Variants in RFC4 observed in about 807,000 individuals in gnomAD.
RFC4 encodes replication factor C subunit 4.
RFC4 carries 38 observed loss-of-function variants against 47.6 expected under a neutral mutation model. The ratio of observed to expected loss-of-function variants is 0.80; its 90% CI spans 0.62 to 1.05. The LOEUF is 1.05. Among genes scored for constraint, RFC4 ranks in the 50% least tolerant of loss-of-function variants. RFC4 has a pLI of 0.00. For missense variants in RFC4, 489 were observed against 434.0 expected (o/e 1.13, Z -1.13); for synonymous variants, 164 against 150.0 (o/e 1.09, Z -0.68).
rs1722249108 is a variant in RFC4 at position 186,796,604 on chromosome 3, C to CTG, written c.290+930_290+931insCA. On this transcript the variant is annotated intron_variant, in intron 4 of 10. Coordinates refer to ENST00000296273, the MANE Select transcript of RFC4 (RefSeq NM_002916.5). The surrounding 1 kb of genome is among the most constrained non-coding windows in gnomAD (Gnocchi z 4.2). ...AAGTGATTCTCCTGCCTCAGCCTGC[C>CTG]GAGTAGCTGGGACTACAGGTGCATG... 6.6e-6 allele frequency among the ~76,000 whole-genome samples: 1 copy of CTG among 152,068 alleles called. No individual in the cohort carries two copies. Among genetic ancestry groups the CTG allele is most frequent in the South Asian group, 2.1e-4 (1 of 4,828 alleles).
intron 2 of RFC4, among the ~76,000 whole-genome samples, chr3:186,801,780 T>C (rs113297149): frequency 1.2e-3 from 183 of 150,034 alleles, no homozygotes; most frequent in Non-Finnish European, 2.1e-3. Flanking sequence ...TCCCAACACT[T>C]AGGGAGGCTG....
At chr3:186,794,942 A>T in intron 4 of RFC4, 165 bp from the exon 5 acceptor site, 1 of 685,148 alleles carries the variant, frequency 1.5e-6, no homozygotes, top group Non-Finnish European at 2.3e-6. Flanking sequence ...GCTGCAGTTA[A>T]CATTTTGGCT....
chr3:186,804,797 G>A (rs574582507), intron 1 of RFC4, 73 bp from the exon 2 acceptor site: 92 of 1,439,826 alleles, frequency 6.4e-5, no homozygotes, highest in Non-Finnish European at 8.1e-5. Context: ...ATAGGAAAGC[G>A]GGGGTGGTGG....
chr3:186,793,020 A>G lies in RFC4; in HGVS notation c.411-73T>C. 1 of 1,223,676 alleles carries G rather than the reference A, an allele frequency of 8.2e-7. No homozygotes were observed. 75.8% of individuals were successfully genotyped at this position (1,223,676 alleles called of 1,614,324 possible). Reference sequence around the variant, plus strand: ...TTTTAACAGCTTTGTTGAAAGATACACGTACCATACAATTCACCCATTTAA... The same window carrying G: ...TTTTAACAGCTTTGTTGAAAGATACGCGTACCATACAATTCACCCATTTAA... On this transcript the variant is annotated intron_variant, in intron 5 of 10. Coordinates refer to ENST00000296273, the MANE Select transcript of RFC4 (RefSeq NM_002916.5). This position sits in a 1 kb window ranked among gnomAD's most constrained non-coding sequence, Gnocchi z 4.2.
intron 3 of RFC4, among the ~76,000 whole-genome samples, chr3:186,798,023 C>A (rs530650405): frequency 2.2e-4 from 34 of 151,848 alleles, no homozygotes; most frequent in African/African-American, 8.0e-4. Context: ...GGAAGCAGAC[C>A]AAAAGAGTAA....
intron 2 of RFC4, among the ~76,000 whole-genome samples, chr3:186,802,302 G>A (rs1650463978): frequency 1.3e-5 from 2 of 151,944 alleles, no homozygotes; most frequent in African/African-American, 4.8e-5. Context: ...CTTCAGCCTG[G>A]GCGACAGAGC....
chr3:186,803,752 T>C (rs1251429413), intron 2 of RFC4, among the ~76,000 whole-genome samples: 1 of 151,140 alleles, frequency 6.6e-6, no homozygotes, highest in Non-Finnish European at 1.5e-5. Flanking sequence ...CCTCAAGTGA[T>C]CCTCCCACCT....
rs1722189366 is a variant in RFC4 at position 186,793,763 on chromosome 3, C to T, written c.411-816G>A. Among the ~76,000 whole-genome samples, 1 of 151,540 alleles carries T rather than the reference C, an allele frequency of 6.6e-6. No individual in the cohort carries two copies. Among genetic ancestry groups the T allele is most frequent in the South Asian group, 2.1e-4 (1 of 4,800 alleles). On this transcript the variant is annotated intron_variant, in intron 5 of 10. Coordinates refer to ENST00000296273, the MANE Select transcript of RFC4 (RefSeq NM_002916.5). The surrounding 1 kb of genome is among the most constrained non-coding windows in gnomAD (Gnocchi z 4.2). ...TTTGAGATAGAGTCTTGCTCTGTCG[C>T]CCAGGCTGGAGTGCAGTGGTGCGAT...
intron 4 of RFC4, 93 bp downstream of exon 4, chr3:186,797,442 A>G (rs563500070): frequency 1.1e-6 from 1 of 873,214 alleles, no homozygotes; most frequent in African/African-American, 1.7e-5. Flanking sequence ...CCTACAGAAA[A>G]CGAAACGCAA....
chr3:186,802,233 G>C (rs1005760944), intron 2 of RFC4, among the ~76,000 whole-genome samples: 2 of 151,862 alleles, frequency 1.3e-5, no homozygotes, highest in African/African-American at 2.4e-5. Flanking sequence ...GCACATGCCT[G>C]TAGTCCCATT....
chr3:186,804,601 A>AC lies in RFC4; in HGVS notation c.112dup (p.Val38GlyfsTer14). 1 of 1,613,880 alleles carries AC rather than the reference A, an allele frequency of 6.2e-7. No individual in the cohort carries two copies. Among genetic ancestry groups the AC allele is most frequent in the Non-Finnish European group, 8.5e-7 (1 of 1,179,942 alleles). ...TTCTTACTATTTTTCCACCCAGGGA[A>AC]CGGGTTTGGCTTTCTTGTTCTCTCC... On this transcript the variant is annotated frameshift_variant, in exon 2 of 11. Transcript: ENST00000296273. LOFTEE classifies it high-confidence loss of function.
chr3:186,790,715 C>A (rs1414912310), intron 8 of RFC4, among the ~76,000 whole-genome samples: 1 of 152,206 alleles, frequency 6.6e-6, no homozygotes, highest in Non-Finnish European at 1.5e-5. Flanking sequence ...TATAACGATT[C>A]CTCAGAACAG....
In RFC4 at chr3:186,797,868, C is replaced by G. The variant is rs141946271; in HGVS notation, c.211-254G>C. On this transcript the variant is annotated intron_variant, in intron 3 of 10. Coordinates refer to ENST00000296273, the MANE Select transcript of RFC4 (RefSeq NM_002916.5). ...AGCTGAACCAATATTTATGCTTGCTCTATAGCTAATCCACTTAGGTGAAAT... is the reference window on the plus strand; with the variant it reads ...AGCTGAACCAATATTTATGCTTGCTGTATAGCTAATCCACTTAGGTGAAAT... 7.9e-4 allele frequency among the ~76,000 whole-genome samples: 120 copies of G among 152,310 alleles called. 2 individuals are homozygous for G. The highest frequency in any genetic ancestry group is 1.5e-3 in the Non-Finnish European group (100 of 68,032).
At chr3:186,798,895 A>T (rs1364287818) in intron 3 of RFC4, among the ~76,000 whole-genome samples, 1 of 152,218 alleles carries the variant, frequency 6.6e-6, no homozygotes, top group East Asian at 1.9e-4. Context: ...TGTTCTATTC[A>T]CATCTGTATT....
chr3:186,789,935 TATTTACA>T lies in RFC4; in HGVS notation c.*27_*33del. ...CATTTTATTTTTATTACAACTTCATTATTTACAAAACCCCCCATCCAGATATATTCAC... is the reference window on the plus strand; with the variant it reads ...CATTTTATTTTTATTACAACTTCATTAAACCCCCCATCCAGATATATTCAC... On this transcript the variant is annotated 3_prime_UTR_variant, in exon 11 of 11. Transcript: ENST00000296273. 1 of 1,313,920 alleles carries T rather than the reference TATTTACA, an allele frequency of 7.6e-7. No individual in the cohort carries two copies. The highest frequency in any genetic ancestry group is 1.5e-5 in the African/African-American group (1 of 68,500). 81.4% of individuals were successfully genotyped at this position (1,313,920 alleles called of 1,614,324 possible).
At chr3:186,804,237 G>A (rs563283210) in intron 2 of RFC4, among the ~76,000 whole-genome samples, 1 of 152,148 alleles carries the variant, frequency 6.6e-6, no homozygotes, top group Non-Finnish European at 1.5e-5. Flanking sequence ...AGAAGAAGGA[G>A]GAACAGATTA....
chr3:186,801,379 T>C (rs181037256), intron 2 of RFC4, 184 bp from the exon 3 acceptor site: 75 of 590,086 alleles, frequency 1.3e-4, no homozygotes, highest in African/African-American at 1.3e-3. Flanking sequence ...CCAAACACAT[T>C]CTGAAAGAGT....
intron 5 of RFC4, among the ~76,000 whole-genome samples, chr3:186,794,415 T>C (rs754634596): frequency 3.9e-5 from 6 of 152,208 alleles, no homozygotes; most frequent in Non-Finnish European, 8.8e-5. Context: ...TTTTGAAATG[T>C]GCTCATGTAA....
chr3:186,791,431 C>G, intron 8 of RFC4: 1 of 350,660 alleles, frequency 2.9e-6, no homozygotes, highest in Non-Finnish European at 5.6e-6. Flanking sequence ...TATTGCGTCA[C>G]TGCACTCCAG....
Sources: allele counts gnomAD v4.1 joint callset (sites outside exome capture counted in the v4.1 genomes callset), GRCh38; gene constraint gnomAD v4.1.1; non-coding constraint Gnocchi (gnomAD v3.1); transcripts MANE v1.5; gene names NCBI Gene and HGNC (gene_info 2026-07-23, HGNC 2026-07-21).